COMMD1: variants seen among roughly 807,000 people sequenced by gnomAD.
COMMD1 encodes the protein COMM domain-containing protein 1.
A neutral mutation model predicts 17.2 loss-of-function variants in COMMD1; 10 were observed. The ratio of observed to expected loss-of-function variants is 0.58; its 90% confidence interval spans 0.36 to 0.99. COMMD1 has a LOEUF of 0.99. COMMD1 is among the 50% of genes least tolerant of loss of function. COMMD1 has a pLI of 0.01. For missense variants in COMMD1, 270 were observed against 231.8 expected (o/e 1.17, Z -1.07); for synonymous variants, 97 against 91.6 (o/e 1.06, Z -0.34).
intron 1 of COMMD1, among the ~76,000 whole-genome samples, chr2:61,991,951 T>C (rs971806943): frequency 6.6e-6 from 1 of 152,224 alleles, no homozygotes; most frequent in East Asian, 1.9e-4. Context: ...GGAATTCTTA[T>C]AATTCACATA....
intron 1 of COMMD1, among the ~76,000 whole-genome samples, chr2:61,977,832 C>G (rs1671847045): frequency 6.7e-6 from 1 of 150,356 alleles, no homozygotes; most frequent in Non-Finnish European, 1.5e-5. Context: ...ACTAAAAATA[C>G]AAAAATTAGC....
chr2:61,967,441 A>G (rs983773803), intron 1 of COMMD1, among the ~76,000 whole-genome samples: 1 of 152,208 alleles, frequency 6.6e-6, no homozygotes. Flanking sequence ...TATGTAGACC[A>G]TACTTTGGGT....
At chr2:62,029,682 T>G (rs1669862043) in intron 2 of COMMD1, among the ~76,000 whole-genome samples, 1 of 152,280 alleles carries the variant, frequency 6.6e-6, no homozygotes, top group Non-Finnish European at 1.5e-5. Flanking sequence ...TGGATTTTGC[T>G]GATTGCATCC....
At chr2:62,099,632 A>G (rs1269769175) in intron 2 of COMMD1, among the ~76,000 whole-genome samples, 4 of 151,386 alleles carry the variant, frequency 2.6e-5, no homozygotes, top group Admixed American at 1.3e-4. Flanking sequence ...TGGTGGATCA[A>G]TATGTGCTGC....
intron 2 of COMMD1, among the ~76,000 whole-genome samples, chr2:62,025,723 C>G (rs897053293): frequency 2.0e-5 from 3 of 152,176 alleles, no homozygotes; most frequent in African/African-American, 7.2e-5. Context: ...GAGTGTCGCT[C>G]TGTCACCCAG....
rs547969632 is a variant in COMMD1 at position 61,998,219 on chromosome 2, A to C, written c.181-2482A>C. Among the ~76,000 whole-genome samples, 3 of 149,796 alleles carry C rather than the reference A, an allele frequency of 2.0e-5. No individual in the cohort carries two copies. In the South Asian group the frequency reaches 6.3e-4, roughly 32 times the overall value. On this transcript the variant is annotated intron_variant, in intron 1 of 2. Transcript: ENST00000311832. ...TGTCCAGACCACCAAAACCTTCTCC[A>C]TATCAGCAATAAGGCTGTTGTGCTT...
intron 2 of COMMD1, among the ~76,000 whole-genome samples, chr2:62,122,010 C>T (rs894594270): frequency 2.0e-5 from 3 of 152,136 alleles, no homozygotes; most frequent in African/African-American, 7.2e-5. Flanking sequence ...AGGCTGGTCT[C>T]AAACTCCTGG....
intron 1 of COMMD1, among the ~76,000 whole-genome samples, chr2:61,982,619 C>T (rs190566670): frequency 1.3e-5 from 2 of 152,250 alleles, no homozygotes; most frequent in Admixed American, 6.5e-5. Context: ...AGCTATGGAT[C>T]TGTCATATAT....
intron 2 of COMMD1, among the ~76,000 whole-genome samples, chr2:62,131,250 A>G (rs968446380): frequency 2.0e-5 from 3 of 152,230 alleles, no homozygotes; most frequent in Non-Finnish European, 2.9e-5. Context: ...CACAAAGTAC[A>G]TGTTCTTGAC....
intron 1 of COMMD1, chr2:61,969,192 T>G (rs923479388): frequency 4.2e-4 from 74 of 175,490 alleles, no homozygotes; most frequent in African/African-American, 1.7e-3. Flanking sequence ...TATAAAATAC[T>G]TATTTACCTA....
At chr2:61,898,680 A>G (rs912039930) in intron 1 of COMMD1, among the ~76,000 whole-genome samples, 2 of 152,094 alleles carry the variant, frequency 1.3e-5, no homozygotes, top group African/African-American at 2.4e-5. Flanking sequence ...AAAAACACCT[A>G]TTACTTGCCT....
intron 2 of COMMD1, among the ~76,000 whole-genome samples, chr2:62,105,473 T>C (rs767645806): frequency 9.2e-5 from 14 of 152,102 alleles, no homozygotes; most frequent in Non-Finnish European, 1.5e-5. Flanking sequence ...GAACATCAGA[T>C]CTCTGAAACT....
At chr2:62,051,778 G>A (rs1670543029) in intron 2 of COMMD1, among the ~76,000 whole-genome samples, 1 of 152,186 alleles carries the variant, frequency 6.6e-6, no homozygotes, top group Non-Finnish European at 1.5e-5. Flanking sequence ...GGTTTTAAAA[G>A]CTGTATGTTC....
At chr2:62,088,823 G>A (rs1035292612) in intron 2 of COMMD1, among the ~76,000 whole-genome samples, 1 of 152,256 alleles carries the variant, frequency 6.6e-6, no homozygotes, top group African/African-American at 2.4e-5. Context: ...GAGAACATGT[G>A]CCCAAGGTCG....
chr2:61,891,470 T>TCA (rs1669428436), intron 1 of COMMD1, among the ~76,000 whole-genome samples: 1 of 152,154 alleles, frequency 6.6e-6, no homozygotes, highest in Non-Finnish European at 1.5e-5. Context: ...GCGTGGTGGC[T>TCA]CACACTTGTA....
chr2:61,924,324 G>A (rs1244663522), intron 1 of COMMD1, among the ~76,000 whole-genome samples: 3 of 151,598 alleles, frequency 2.0e-5, no homozygotes, highest in Admixed American at 6.6e-5. Flanking sequence ...GCTGCTGGGC[G>A]TGTTGGGCTT....
intron 1 of COMMD1, among the ~76,000 whole-genome samples, chr2:61,951,402 G>C (rs543226633): frequency 1.3e-5 from 2 of 151,576 alleles, no homozygotes; most frequent in East Asian, 3.9e-4. Context: ...AGAGATTGCA[G>C]TGAGCCGACA....
intron 1 of COMMD1, among the ~76,000 whole-genome samples, chr2:61,935,479 T>G (rs1299328239): frequency 3.3e-5 from 5 of 151,902 alleles, no homozygotes; most frequent in African/African-American, 1.2e-4. Context: ...AATACAAAAA[T>G]TAGCTGGGCA....
chr2:62,067,000 A>C (rs1671069907), intron 2 of COMMD1, among the ~76,000 whole-genome samples: 2 of 152,168 alleles, frequency 1.3e-5, no homozygotes, highest in Non-Finnish European at 2.9e-5. Flanking sequence ...TGCTGGGATT[A>C]CAGGCTTGAG....
Sources: allele counts gnomAD v4.1 joint callset (sites outside exome capture counted in the v4.1 genomes callset), GRCh38; gene constraint gnomAD v4.1.1; transcripts MANE v1.5; gene names NCBI Gene and HGNC (gene_info 2026-07-23, HGNC 2026-07-21).